The following RFX2 variants were observed in gnomAD, a reference collection of about 807,000 sequenced individuals.
RFX2 encodes DNA-binding protein RFX2.
A neutral mutation model predicts 87.8 loss-of-function variants in RFX2; 20 were observed. The observed-to-expected ratio is 0.23, with a 90% CI of 0.16 to 0.33. The LOEUF is 0.33. Among genes scored for constraint, RFX2 ranks in the 10% least tolerant of loss-of-function variants. RFX2 has a pLI of 1.00. For synonymous variants in RFX2, 397 were observed against 431.3 expected (o/e 0.92, Z 0.98); for missense variants, 767 against 1,012.3 (o/e 0.76, Z 3.29).
rs2144814778 is a variant in RFX2, at chr19:6,063,768, A to C, written c.-8-16264T>G. 6.6e-6 allele frequency among the ~76,000 whole-genome samples: 1 copy of C among 152,222 alleles called. No individual in the cohort carries two copies. Among genetic ancestry groups the C allele is most frequent in the Admixed American group, 6.5e-5 (1 of 15,296 alleles). ...ACTCTGGGGTGGGGCCGTCCTGGGC[A>C]CCGCAGGGTGCTGGGCAGCATCCCT... On this transcript the variant is annotated intron_variant, in intron 1 of 17. Coordinates refer to ENST00000303657, the MANE Select transcript of RFX2 (RefSeq NM_000635.4). This position sits in a 1 kb window ranked among gnomAD's most constrained non-coding sequence, Gnocchi z 4.0.
chr19:6,096,463 T>C (rs1241189767), intron 1 of RFX2, among the ~76,000 whole-genome samples: 1 of 146,390 alleles, frequency 6.8e-6, no homozygotes, highest in African/African-American at 2.7e-5. Context: ...TTGTTTTGTT[T>C]TGAGATGGAG....
Position 5,999,986 on chromosome 19 carries a change from T to G in RFX2, c.1859+1829A>C, listed in dbSNP as rs374068873. On this transcript the variant is annotated intron_variant, in intron 15 of 17. Coordinates refer to ENST00000303657, the MANE Select transcript of RFX2 (RefSeq NM_000635.4). This position sits in a 1 kb window ranked among gnomAD's most constrained non-coding sequence, Gnocchi z 4.1. ...GAGGGGTCAGCAAACTTGTTCTTAT[T>G]TTTTTTTTTTTTCTTGAGATGGAGT... Among the ~76,000 whole-genome samples, 115 of 146,830 alleles carry G rather than the reference T, an allele frequency of 7.8e-4. No homozygotes were observed. The highest frequency in any genetic ancestry group is 2.9e-3 in the African/African-American group (114 of 39,872).
In RFX2 at chr19:5,994,965, G is replaced by T; in HGVS notation, c.2057-15C>A. 1 of 1,588,986 alleles carries T rather than the reference G, an allele frequency of 6.3e-7. No individual in the cohort carries two copies. Among genetic ancestry groups the T allele is most frequent in the South Asian group, 1.1e-5 (1 of 90,732 alleles). ...GCCCATGTCATCTGCGGAGGGAGGG[G>T]TAGGGTCAGTGTCCATCATCAGGAG... On this transcript the variant is annotated splice_polypyrimidine_tract_variant and intron_variant, in intron 17 of 17. Transcript: ENST00000303657.
rs2087811853 is a variant in RFX2 at position 6,083,365 on chromosome 19, G to T, written c.-9+27028C>A. ...CATGCTAGTTCTGACCCTGGTGCTGGTGCTGTTCCAATAAATCTTTATTTA... is the reference window on the plus strand; with the variant it reads ...CATGCTAGTTCTGACCCTGGTGCTGTTGCTGTTCCAATAAATCTTTATTTA... On this transcript the variant is annotated intron_variant, in intron 1 of 17. Coordinates refer to ENST00000303657, the MANE Select transcript of RFX2 (RefSeq NM_000635.4). This position sits in a 1 kb window ranked among gnomAD's most constrained non-coding sequence, Gnocchi z 4.6. Among the ~76,000 whole-genome samples, 1 of 152,106 alleles carries T rather than the reference G, an allele frequency of 6.6e-6. No homozygotes were observed. The highest frequency in any genetic ancestry group is 1.5e-5 in the Non-Finnish European group (1 of 68,040).
Position 6,001,737 on chromosome 19 carries a change from C to T in RFX2, c.1859+78G>A, listed in dbSNP as rs372732286. On this transcript the variant is annotated intron_variant, in intron 15 of 17. Coordinates refer to ENST00000303657, the MANE Select transcript of RFX2 (RefSeq NM_000635.4). The surrounding 1 kb of genome is among the most constrained non-coding windows in gnomAD (Gnocchi z 5.6). ...CCTGTTTTGCTCTGAGCTCACCAGCCGAGCCCCCTACCCTCTAGAAGTTTC... is the reference window on the plus strand; with the variant it reads ...CCTGTTTTGCTCTGAGCTCACCAGCTGAGCCCCCTACCCTCTAGAAGTTTC... 120 of 1,307,614 alleles carry T rather than the reference C, an allele frequency of 9.2e-5. No individual in the cohort carries two copies. The highest frequency in any genetic ancestry group is 1.2e-4 in the Non-Finnish European group (113 of 951,308). 81.0% of individuals were successfully genotyped at this position (1,307,614 alleles called of 1,614,324 possible).
At position 6,064,223 on chromosome 19, in the gene RFX2, G is replaced by A. The variant is rs1459324004; in HGVS notation, c.-8-16719C>T. On this transcript the variant is annotated intron_variant, in intron 1 of 17. Coordinates refer to ENST00000303657, the MANE Select transcript of RFX2 (RefSeq NM_000635.4). The surrounding 1 kb of genome is among the most constrained non-coding windows in gnomAD (Gnocchi z 4.8). ...CTGTTCTAGCCACCTTCACCATGTT[G>A]GCCTCCAGCTCCCGTCTTCAGCTGA... Among the ~76,000 whole-genome samples, 1 of 152,188 alleles carries A rather than the reference G, an allele frequency of 6.6e-6. No individual in the cohort carries two copies. Among genetic ancestry groups the A allele is most frequent in the Non-Finnish European group, 1.5e-5 (1 of 68,026 alleles).
chr19:6,015,356 G>C (rs968540219), intron 7 of RFX2, among the ~76,000 whole-genome samples: 3 of 152,022 alleles, frequency 2.0e-5, no homozygotes, highest in African/African-American at 7.2e-5. Flanking sequence ...TTGAACCCAG[G>C]AGGTGGAGGC....
chr19:5,996,962 G>T, intron 16 of RFX2, 98 bp downstream of exon 16: 1 of 1,292,882 alleles, frequency 7.7e-7, no homozygotes, highest in Non-Finnish European at 1.1e-6. Flanking sequence ...AGAGCAGTGG[G>T]ACCTGCGAGT....
intron 1 of RFX2, chr19:6,057,431 T>A (rs887896471): frequency 3.3e-5 from 5 of 152,718 alleles, no homozygotes; most frequent in Admixed American, 1.3e-4. Context: ...AGCCGCTGAC[T>A]CACTGCGACC....
At position 6,007,304 on chromosome 19, in the gene RFX2, C is replaced by A. The variant is rs554367794; in HGVS notation, c.1248-138G>T. 86 of 813,830 alleles carry A rather than the reference C, an allele frequency of 1.1e-4. 1 individual carries two copies. The Admixed American group carries it at 2.3e-3, about 21-fold the overall frequency. The allele number at this position is 813,830 out of a possible 1,614,324, so 50.4% of individuals were successfully genotyped here. On this transcript the variant is annotated intron_variant, in intron 11 of 17. Coordinates refer to ENST00000303657, the MANE Select transcript of RFX2 (RefSeq NM_000635.4). This position sits in a 1 kb window ranked among gnomAD's most constrained non-coding sequence, Gnocchi z 8.2. ...GGTTTTGCTCCCCATCCCTGAGCCT[C>A]GATGGGTCCCCTCCCTCCATGTTGC...
At chr19:6,059,136 C>A (rs900409162) in intron 1 of RFX2, among the ~76,000 whole-genome samples, 1 of 152,112 alleles carries the variant, frequency 6.6e-6, no homozygotes, top group Non-Finnish European at 1.5e-5. Flanking sequence ...AGCACCAGCA[C>A]GCCCGGCTAA....
intron 5 of RFX2, among the ~76,000 whole-genome samples, chr19:6,028,938 G>T (rs966602577): frequency 6.6e-6 from 1 of 152,144 alleles, no homozygotes; most frequent in African/African-American, 2.4e-5. Flanking sequence ...AATTAGGTGG[G>T]TGTGGTGGCA....
At chr19:6,073,261 T>C (rs1258118033) in intron 1 of RFX2, 10 of 738,484 alleles carry the variant, frequency 1.4e-5, no homozygotes, top group Non-Finnish European at 2.4e-5. Flanking sequence ...ATTACAGACA[T>C]GAGCCACCGC....
intron 1 of RFX2, among the ~76,000 whole-genome samples, chr19:6,066,810 CA>C (rs2087519641): frequency 6.6e-6 from 1 of 152,190 alleles, no homozygotes; most frequent in African/African-American, 2.4e-5. Context: ...CAACGGTTGC[CA>C]GGGGCAACGC....
At chr19:6,015,120 TC>T (rs1245505067) in intron 7 of RFX2, among the ~76,000 whole-genome samples, 1 of 151,894 alleles carries the variant, frequency 6.6e-6, no homozygotes, top group Non-Finnish European at 1.5e-5. Context: ...GGTGGATTGG[TC>T]CAGGTACAGC....
Position 6,061,337 on chromosome 19 carries a change from C to T in RFX2, c.-8-13833G>A, listed in dbSNP as rs923980525. Among the ~76,000 whole-genome samples the T allele has an allele frequency of 2.6e-4, 40 of 152,328 alleles. No homozygotes were observed. The highest frequency in any genetic ancestry group is 8.9e-4 in the African/African-American group (37 of 41,582). Reference sequence around the variant, plus strand: ...AAAAAATCCTCCCAAGAATTTTCACCGCATAGACAGTGTGTGTGCTAAATC... The same window carrying T: ...AAAAAATCCTCCCAAGAATTTTCACTGCATAGACAGTGTGTGTGCTAAATC... On this transcript the variant is annotated intron_variant, in intron 1 of 17. Transcript: ENST00000303657. This position sits in a 1 kb window ranked among gnomAD's most constrained non-coding sequence, Gnocchi z 5.2.
rs1473051793 is a variant in RFX2, at chr19:6,074,079, T to C, written c.-8-26575A>G. On this transcript the variant is annotated intron_variant, in intron 1 of 17. Coordinates refer to ENST00000303657, the MANE Select transcript of RFX2 (RefSeq NM_000635.4). The surrounding 1 kb of genome is among the most constrained non-coding windows in gnomAD (Gnocchi z 5.2). ...GCCCCAGCTGAGGTTCTGGGCCTCA[T>C]CACTAATGACCCACAGCAGCCAAGG... 6.6e-6 allele frequency among the ~76,000 whole-genome samples: 1 copy of C among 152,066 alleles called. No individual in the cohort carries two copies. Among genetic ancestry groups the C allele is most frequent in the Non-Finnish European group, 1.5e-5 (1 of 68,020 alleles).
intron 1 of RFX2, among the ~76,000 whole-genome samples, chr19:6,105,507 T>G (rs2088203122): frequency 6.6e-6 from 1 of 152,084 alleles, no homozygotes; most frequent in South Asian, 2.1e-4. Context: ...TGACTTTGGC[T>G]TTTGCTGCAG....
At chr19:6,043,387 ACTG>A (rs1280729822) in intron 3 of RFX2, among the ~76,000 whole-genome samples, 1 of 152,228 alleles carries the variant, frequency 6.6e-6, no homozygotes, top group African/African-American at 2.4e-5. Flanking sequence ...CTGTGAACAG[ACTG>A]CCAATCTAGG....
Sources: allele counts gnomAD v4.1 joint callset (sites outside exome capture counted in the v4.1 genomes callset), GRCh38; gene constraint gnomAD v4.1.1; non-coding constraint Gnocchi (gnomAD v3.1); transcripts MANE v1.5; gene names NCBI Gene and HGNC (gene_info 2026-07-23, HGNC 2026-07-21).